Variants in MCPH1 observed in about 807,000 individuals in gnomAD.
The protein encoded by MCPH1 is microcephalin 1.
A neutral mutation model predicts 84.5 loss-of-function variants in MCPH1; 104 were observed. That is an observed-to-expected ratio of 1.23 (90% CI 1.05 to 1.45). The LOEUF is 1.45. Ranked by LOEUF, MCPH1 falls within the 40% of genes most tolerant of loss-of-function variation. The pLI is 0.00. For missense variants in MCPH1, 1,498 were observed against 1,005.7 expected (o/e 1.49, Z -6.62); for synonymous variants, 514 against 366.8 (o/e 1.40, Z -4.58).
chr8:6,576,997 G>A (rs1314355027), intron 12 of MCPH1, among the ~76,000 whole-genome samples: 3 of 152,106 alleles, frequency 2.0e-5, no homozygotes, highest in Non-Finnish European at 4.4e-5. Context: ...TCTCCCTGCT[G>A]CCTGCTGTGA....
intron 10 of MCPH1, among the ~76,000 whole-genome samples, chr8:6,479,806 A>G (rs780348848): frequency 1.3e-5 from 2 of 152,216 alleles, no homozygotes; most frequent in East Asian, 1.9e-4. Context: ...CGGAAAGAAT[A>G]TATTTTTTTA....
intron 9 of MCPH1, among the ~76,000 whole-genome samples, chr8:6,469,941 C>T (rs1264578625): frequency 6.6e-6 from 1 of 152,160 alleles, no homozygotes; most frequent in African/African-American, 2.4e-5. Context: ...TCGTTGGATT[C>T]TTTCATGTGA....
intron 4 of MCPH1, among the ~76,000 whole-genome samples, chr8:6,435,757 G>A (rs138429838): frequency 7.7e-4 from 117 of 152,188 alleles, no homozygotes; most frequent in African/African-American, 2.8e-3. Context: ...GCAAAAAATC[G>A]AAAGAGACTG....
At chr8:6,424,232 G>C (rs973303791) in intron 3 of MCPH1, among the ~76,000 whole-genome samples, 7 of 152,186 alleles carry the variant, frequency 4.6e-5, no homozygotes, top group Non-Finnish European at 8.8e-5. Context: ...ATAAAGGTCA[G>C]CTTGGCCCCC....
rs552720739 is a variant in MCPH1, at chr8:6,417,411, A to G, written c.233+2528A>G. Among the ~76,000 whole-genome samples the G allele has an allele frequency of 3.4e-3, 509 of 148,630 alleles. 5 individuals are homozygous for G. The highest frequency in any genetic ancestry group is 0.031 in the East Asian group (154 of 4,996). The stretch of plus-strand genomic sequence containing the variant: ...GTCTGTGTGGCAGCAAACTTTACTT[A>G]TAAGTCTGGCAGGAAGCCAGGTAGT... On this transcript the variant is annotated intron_variant, in intron 3 of 13. Transcript: ENST00000344683.
At chr8:6,501,553 CTTT>C (rs761570329) in intron 12 of MCPH1, 3 of 128,038 alleles carry the variant, frequency 2.3e-5, no homozygotes, top group Admixed American at 7.8e-5. Context: ...TCTTTTCTTT[CTTT>C]TTTTTTTTTT....
At chr8:6,596,588 GGTGCA>G (rs1828941064) in intron 12 of MCPH1, among the ~76,000 whole-genome samples, 1 of 152,082 alleles carries the variant, frequency 6.6e-6, no homozygotes, top group Admixed American at 6.6e-5. Flanking sequence ...CCAGCGTGGA[GGTGCA>G]GGAGCTCGTG....
intron 11 of MCPH1, among the ~76,000 whole-genome samples, chr8:6,495,435 C>A (rs1811120543): frequency 6.6e-6 from 1 of 152,086 alleles, no homozygotes; most frequent in Non-Finnish European, 1.5e-5. Flanking sequence ...GGGAAGAATC[C>A]CAAATCTTCT....
intron 3 of MCPH1, among the ~76,000 whole-genome samples, chr8:6,431,152 G>A (rs1368689605): frequency 6.6e-6 from 1 of 152,060 alleles, no homozygotes; most frequent in African/African-American, 2.4e-5. Flanking sequence ...CTGTTTTATG[G>A]CCTGTTTACT....
intron 11 of MCPH1, among the ~76,000 whole-genome samples, chr8:6,485,895 G>A (rs1306238706): frequency 6.6e-6 from 1 of 152,136 alleles, no homozygotes; most frequent in East Asian, 1.9e-4. Flanking sequence ...GGCACAACAG[G>A]AGTATTGATG....
intron 11 of MCPH1, among the ~76,000 whole-genome samples, chr8:6,499,261 G>T (rs559373148): frequency 1.3e-5 from 2 of 152,000 alleles, no homozygotes; most frequent in South Asian, 2.1e-4. Flanking sequence ...TCATTTTACC[G>T]TGTGGGGATT....
intron 4 of MCPH1, among the ~76,000 whole-genome samples, chr8:6,432,721 C>T (rs2916760): frequency 0.015 from 2,273 of 152,286 alleles, 56 homozygotes; most frequent in African/African-American, 0.051. Context: ...GATATTTCTT[C>T]GTTACATTTC....
intron 12 of MCPH1, among the ~76,000 whole-genome samples, chr8:6,580,257 G>A (rs1323087215): frequency 6.6e-6 from 1 of 152,182 alleles, no homozygotes; most frequent in African/African-American, 2.4e-5. Context: ...CCTCCACGAT[G>A]TCCATCAGCA....
chr8:6,533,927 A>G (rs1820009855), intron 12 of MCPH1, among the ~76,000 whole-genome samples: 1 of 152,146 alleles, frequency 6.6e-6, no homozygotes, highest in African/African-American at 2.4e-5. Context: ...GATGCATTTC[A>G]TAGATTGTGT....
chr8:6,520,058 G>C (rs2922898), intron 12 of MCPH1: 94,682 of 1,567,834 alleles, frequency 0.06, 3,350 homozygotes, highest in African/African-American at 0.15. Context: ...GTTATTTCAA[G>C]AGCCAATCAT....
Position 6,406,733 on chromosome 8 carries a change from G to T in MCPH1, c.22+44G>T, listed in dbSNP as rs755743985. ...CCTGCTCCAGCAGCGGGAGTTTGAG[G>T]ACCGGCACCCCTCGTCGCGGGCGCA... On this transcript the variant is annotated intron_variant, in intron 1 of 13. Coordinates refer to ENST00000344683, the MANE Select transcript of MCPH1 (RefSeq NM_024596.5). 6.2e-6 allele frequency: 10 copies of T among 1,607,358 alleles called. No individual in the cohort carries two copies. The South Asian group carries it at 1.0e-4, about 16-fold the overall frequency.
At chr8:6,527,899 A>AT (rs71213313) in intron 12 of MCPH1, among the ~76,000 whole-genome samples, 15,308 of 133,118 alleles carry the variant, frequency 0.11, 1,247 homozygotes, top group African/African-American at 0.19. Context: ...CCACGTCTCT[A>AT]TTTTTTTTTT....
chr8:6,579,088 T>A (rs1201894991), intron 12 of MCPH1, among the ~76,000 whole-genome samples: 1 of 152,222 alleles, frequency 6.6e-6, no homozygotes, highest in Non-Finnish European at 1.5e-5. Context: ...TGCACCAGAC[T>A]GAGCTGTGTC....
intron 13 of MCPH1, chr8:6,626,327 C>T (rs1189249958): frequency 1.7e-5 from 17 of 985,152 alleles, no homozygotes; most frequent in Middle Eastern, 5.2e-4. Flanking sequence ...TGCCTAATAA[C>T]GGGGTTATCG....
Sources: gnomAD v4.1 joint callset for allele counts (sites outside exome capture counted in the v4.1 genomes callset) on GRCh38, gnomAD v4.1.1 for gene constraint, MANE v1.5 for transcripts, NCBI Gene and HGNC (gene_info 2026-07-23, HGNC 2026-07-21) for gene names.